Variants in SLC11A2 observed in about 807,000 individuals in gnomAD.
The protein encoded by SLC11A2 is natural resistance-associated macrophage protein 2.
Under a neutral mutation model 68.0 loss-of-function variants are expected in SLC11A2, and 38 were observed. That is an observed-to-expected ratio of 0.56 (90% CI 0.43 to 0.73). The LOEUF is 0.73. SLC11A2 is among the 30% of genes least tolerant of loss of function. The pLI, the probability that SLC11A2 is intolerant of heterozygous loss-of-function variation, is 0.00. For synonymous variants in SLC11A2, 242 were observed against 250.6 expected (o/e 0.97, Z 0.32); for missense variants, 517 against 690.5 (o/e 0.75, Z 2.82).
chr12:50,991,468 G>A, intron 14 of SLC11A2, 131 bp downstream of exon 14: 1 of 739,310 alleles, frequency 1.4e-6, no homozygotes, highest in South Asian at 1.5e-5. Context: ...AAGCCAAAGA[G>A]GAAGCAGCTA....
Position 50,987,616 on chromosome 12 carries a change from G to A in SLC11A2, c.*709C>T. On this transcript the variant is annotated 3_prime_UTR_variant, in exon 16 of 16. Coordinates refer to ENST00000262052, the MANE Select transcript of SLC11A2 (RefSeq NM_000617.3). ...TAAGACTCCCAAGAAATCCTCATAAGCTTTTCAATCTGAGGAAAATCCTGA... is the reference window on the plus strand; with the variant it reads ...TAAGACTCCCAAGAAATCCTCATAAACTTTTCAATCTGAGGAAAATCCTGA... 2 of 1,287,130 alleles carry A rather than the reference G, an allele frequency of 1.6e-6. No homozygotes were observed. Among genetic ancestry groups the A allele is most frequent in the Non-Finnish European group, 2.0e-6 (2 of 988,648 alleles). 79.7% of individuals were successfully genotyped at this position (1,287,130 alleles called of 1,614,324 possible). A position where few individuals can be genotyped will look rare whatever the true frequency, so the allele number is the denominator to read the frequency against.
In SLC11A2 at chr12:50,992,807, T is replaced by C. The variant is rs767498359; in HGVS notation, c.1197+3A>G. 3 of 1,612,960 alleles carry C rather than the reference T, an allele frequency of 1.9e-6. No individual in the cohort carries two copies. The South Asian group carries it at 3.3e-5, about 18-fold the overall frequency. The stretch of plus-strand genomic sequence containing the variant: ...TCTCCCTCTATCCTATACCAGCACG[T>C]ACCTCCATGACAAACTGGCCAGAAT... On this transcript the variant is annotated splice_donor_region_variant and intron_variant, in intron 12 of 15. Transcript: ENST00000262052.
intron 15 of SLC11A2, among the ~76,000 whole-genome samples, chr12:50,989,635 G>A (rs1056422712): frequency 2.0e-5 from 3 of 152,094 alleles, no homozygotes; most frequent in Admixed American, 2.0e-4. Flanking sequence ...TCCTGTCAAG[G>A]ACACATTCAG....
chr12:51,010,045 G>A (rs188317043), intron 2 of SLC11A2, among the ~76,000 whole-genome samples: 6 of 151,860 alleles, frequency 4.0e-5, no homozygotes, highest in Non-Finnish European at 7.4e-5. Context: ...TTAGCCGGGC[G>A]TGGCGGCAGG....
the SLC11A2 span, among the ~76,000 whole-genome samples, chr12:50,973,574 CA>C: frequency 6.6e-6 from 1 of 152,252 alleles, no homozygotes; most frequent in Non-Finnish European, 1.5e-5. Flanking sequence ...TTCAAAAAAT[CA>C]GAGCATCTCT....
intron 3 of SLC11A2, chr12:51,008,263 C>T (rs1280808953): frequency 2.8e-5 from 13 of 467,050 alleles, no homozygotes; most frequent in African/African-American, 1.9e-4. Flanking sequence ...GATAGATAGA[C>T]GGACAGACAG....
In SLC11A2 at chr12:50,986,242, T is replaced by C; in HGVS notation, c.*2083A>G. The C allele has an allele frequency of 1.6e-6, 2 of 1,284,256 alleles. No individual in the cohort carries two copies. 79.6% of individuals were successfully genotyped at this position (1,284,256 alleles called of 1,614,324 possible). A position where few individuals can be genotyped will look rare whatever the true frequency, so the allele number is the denominator to read the frequency against. ...CCTTAAACATTCCACATAAACACAC[T>C]GTCAAAACTCACTGGATATGCTGGA... On this transcript the variant is annotated 3_prime_UTR_variant, in exon 16 of 16. Transcript: ENST00000262052.
At position 50,986,195 on chromosome 12, in the gene SLC11A2, T is replaced by C. The variant is rs1466041660; in HGVS notation, c.*2130A>G. ...CATTTAAGAAGAACAAGAACCAATT[T>C]ATATAAAGTACAATTGTATATCCTT... On this transcript the variant is annotated 3_prime_UTR_variant, in exon 16 of 16. Transcript: ENST00000262052. The C allele has an allele frequency of 7.8e-7, 1 of 1,283,934 alleles. No homozygotes were observed. The highest frequency in any genetic ancestry group is 2.3e-5 in the Admixed American group (1 of 43,496). The allele number at this position is 1,283,934 out of a possible 1,614,324, so 79.5% of individuals were successfully genotyped here. A position where few individuals can be genotyped will look rare whatever the true frequency, so the allele number is the denominator to read the frequency against.
chr12:51,014,688 A>G (rs953184931), intron 1 of SLC11A2, among the ~76,000 whole-genome samples: 4 of 151,778 alleles, frequency 2.6e-5, no homozygotes, highest in African/African-American at 9.7e-5. Flanking sequence ...CCCCGTCTCT[A>G]CTAAAAATAC....
the SLC11A2 span, among the ~76,000 whole-genome samples, chr12:50,969,457 T>C: frequency 7.9e-5 from 12 of 151,980 alleles, no homozygotes; most frequent in African/African-American, 2.7e-4. Flanking sequence ...CCCAGCACTT[T>C]AGGAGGCCAA....
In SLC11A2 at chr12:50,987,116, G is replaced by A. The variant is rs1940655819; in HGVS notation, c.*1209C>T. 2.3e-6 allele frequency: 3 copies of A among 1,284,412 alleles called. No individual in the cohort carries two copies. The highest frequency in any genetic ancestry group is 3.0e-6 in the Non-Finnish European group (3 of 987,572). The allele number at this position is 1,284,412 out of a possible 1,614,324, so 79.6% of individuals were successfully genotyped here. A position where few individuals can be genotyped will look rare whatever the true frequency, so the allele number is the denominator to read the frequency against. ...GAAGTAAAAGCAGCAGCTTTGTGCT[G>A]AAGACACCCATTTCCTCTGACTCCA... On this transcript the variant is annotated 3_prime_UTR_variant, in exon 16 of 16. Coordinates refer to ENST00000262052, the MANE Select transcript of SLC11A2 (RefSeq NM_000617.3).
intron 5 of SLC11A2, among the ~76,000 whole-genome samples, chr12:51,003,593 A>G (rs1201317501): frequency 6.7e-6 from 1 of 149,710 alleles, no homozygotes; most frequent in Non-Finnish European, 1.5e-5. Flanking sequence ...ATATATATAT[A>G]TATAATTATT....
the SLC11A2 span, among the ~76,000 whole-genome samples, chr12:50,959,116 C>A: frequency 6.6e-6 from 1 of 152,154 alleles, no homozygotes; most frequent in African/African-American, 2.4e-5. Flanking sequence ...TCTACCATAT[C>A]CTCTTTTTTA....
At chr12:51,022,228 C>T (rs1008814226) in intron 1 of SLC11A2, among the ~76,000 whole-genome samples, 1 of 152,096 alleles carries the variant, frequency 6.6e-6, no homozygotes, top group Admixed American at 6.6e-5. Flanking sequence ...GAACACAATG[C>T]CAAGCTCTGT....
At chr12:51,027,914 AAGTG>A (rs762502502), upstream of SLC11A2, among the ~76,000 whole-genome samples, 4 of 9,342 alleles carry the variant, frequency 4.3e-4, no homozygotes, top group Non-Finnish European at 1.5e-3. Context: ...GACCAAAAAA[AAGTG>A]GGGGGGGGGG....
intron 1 of SLC11A2, chr12:51,024,884 C>T (rs886592067): frequency 4.6e-5 from 7 of 152,220 alleles, no homozygotes; most frequent in African/African-American, 1.7e-4. Flanking sequence ...CACTGCCATT[C>T]CGGAAACATG....
chr12:50,965,975 A>G, the SLC11A2 span, among the ~76,000 whole-genome samples: 1 of 152,150 alleles, frequency 6.6e-6, no homozygotes, highest in Non-Finnish European at 1.5e-5. Flanking sequence ...ACTTTTGTTC[A>G]CCAAACCTAG....
the SLC11A2 span, among the ~76,000 whole-genome samples, chr12:50,969,413 C>G: frequency 1.1e-4 from 16 of 151,570 alleles, no homozygotes; most frequent in African/African-American, 3.6e-4. Context: ...AAATCTCATA[C>G]GTAAGGCCAG....
In SLC11A2 at chr12:50,986,906, CA is replaced by C; in HGVS notation, c.*1418del. 7.8e-7 allele frequency: 1 copy of C among 1,287,142 alleles called. No individual in the cohort carries two copies. Among genetic ancestry groups the C allele is most frequent in the South Asian group, 1.2e-5 (1 of 80,924 alleles). The allele number at this position is 1,287,142 out of a possible 1,614,324, so 79.7% of individuals were successfully genotyped here. A position where few individuals can be genotyped will look rare whatever the true frequency, so the allele number is the denominator to read the frequency against. Reference sequence around the variant, plus strand: ...GGGGGCTCAGATGAACAGCGAACACCAATCAGCCAGGACTCTGGAAGGAAAG... The same window carrying C: ...GGGGGCTCAGATGAACAGCGAACACCATCAGCCAGGACTCTGGAAGGAAAG... On this transcript the variant is annotated 3_prime_UTR_variant, in exon 16 of 16. Coordinates refer to ENST00000262052, the MANE Select transcript of SLC11A2 (RefSeq NM_000617.3).
Sources: allele counts gnomAD v4.1 joint callset (sites outside exome capture counted in the v4.1 genomes callset), GRCh38; gene constraint gnomAD v4.1.1; transcripts MANE v1.5; gene names NCBI Gene and HGNC (gene_info 2026-07-23, HGNC 2026-07-21).